Variants in TRDMT1 observed in about 807,000 individuals in gnomAD.
The protein encoded by TRDMT1 is tRNA aspartic acid methyltransferase 1, also known as tRNA (cytosine(38)-C(5))-methyltransferase.
TRDMT1 carries 49 observed loss-of-function variants against 51.2 expected under a neutral mutation model. That is an observed-to-expected ratio of 0.96 (90% CI 0.76 to 1.21). The LOEUF is 1.21. Among genes scored for constraint, TRDMT1 ranks in the 50% most tolerant of loss-of-function variants. TRDMT1 has a pLI of 0.00. For synonymous variants in TRDMT1, 187 were observed against 164.6 expected (o/e 1.14, Z -1.04); for missense variants, 534 against 462.3 (o/e 1.16, Z -1.42).
rs535663547 is a variant in TRDMT1, at chr10:17,138,413, A to T, written c.*10627T>A. Among the ~76,000 whole-genome samples, 50 of 152,202 alleles carry T rather than the reference A, an allele frequency of 3.3e-4. No individual in the cohort carries two copies. The highest frequency in any genetic ancestry group is 6.6e-4 in the Non-Finnish European group (45 of 68,020). ...TTCAGGGCAATATAACATTGTTCCA[A>T]TTCTTTCATTTTCCATGAAGGATTA... On this transcript the variant is annotated 3_prime_UTR_variant, in exon 11 of 11. Coordinates refer to ENST00000377799, the MANE Select transcript of TRDMT1 (RefSeq NM_004412.7).
At chr10:17,151,399 A>G (rs1197973104) in intron 10 of TRDMT1, 1 of 981,580 alleles carries the variant, frequency 1.0e-6, no homozygotes, top group African/African-American at 1.8e-5. Context: ...AATACACACC[A>G]CCAGTCACAG....
At chr10:17,161,602 A>G (rs756135797) in intron 4 of TRDMT1, 54 bp from the exon 5 acceptor site, 8 of 237,460 alleles carry the variant, frequency 3.4e-5, no homozygotes, top group Non-Finnish European at 5.2e-5. Context: ...AAGAAGAAAA[A>G]GTAAAGAAAA....
chr10:17,154,775 G>C, intron 8 of TRDMT1, 41 bp from the exon 9 acceptor site: 1 of 1,521,364 alleles, frequency 6.6e-7, no homozygotes, highest in Non-Finnish European at 9.0e-7. Context: ...CCTGATGTAT[G>C]TGTTAATGCT....
chr10:17,160,328 C>G lies in TRDMT1; in HGVS notation c.436G>C (p.Glu146Gln), dbSNP rs1347080467. The change falls in exon 6 of 11, where the codon GAG becomes CAG. Residue 146 changes from glutamate to glutamine, a missense_variant. Physicochemically the swap from Glu to Gln is conservative, Grantham distance 29. Coordinates refer to ENST00000377799, the MANE Select transcript of TRDMT1 (RefSeq NM_004412.7). ...TIENCGFQYQ[E>Q]FLLSPTSLGI... is the part of the protein sequence containing the mutation. ...ACAGAGGTTGGAGATAATAGAAACT[C>G]TTGGTACTGAAAGCCACAATTTTCT... 3 of 1,568,998 alleles carry G rather than the reference C, an allele frequency of 1.9e-6. No homozygotes were observed. Among genetic ancestry groups the G allele is most frequent in the Non-Finnish European group, 2.6e-6 (3 of 1,159,200 alleles).
At position 17,146,862 on chromosome 10, in the gene TRDMT1, A is replaced by G. The variant is rs1208812001; in HGVS notation, c.*2178T>C. 1 of 985,272 alleles carries G rather than the reference A, an allele frequency of 1.0e-6. No homozygotes were observed. Among genetic ancestry groups the G allele is most frequent in the African/African-American group, 1.7e-5 (1 of 57,234 alleles). The allele number at this position is 985,272 out of a possible 1,614,324, so 61.0% of individuals were successfully genotyped here. A position where few individuals can be genotyped will look rare whatever the true frequency, so the allele number is the denominator to read the frequency against. ...GCATACATATACATCTGCTAATTGAATGACACTGGTAGATACATCTTCATT... is the reference window on the plus strand; with the variant it reads ...GCATACATATACATCTGCTAATTGAGTGACACTGGTAGATACATCTTCATT... On this transcript the variant is annotated 3_prime_UTR_variant, in exon 11 of 11. Coordinates refer to ENST00000377799, the MANE Select transcript of TRDMT1 (RefSeq NM_004412.7).
At position 17,168,906 on chromosome 10, in the gene TRDMT1, G is replaced by A. The variant is rs571212663; in HGVS notation, c.186C>T (p.Leu62=). Residue 62 remains leucine, a synonymous_variant, in exon 3 of 11, where the codon CTC becomes CTT. Coordinates refer to ENST00000377799, the MANE Select transcript of TRDMT1 (RefSeq NM_004412.7). ...CAAAAGATAATCTGTCAAACTCTTCGAGTGTAATGCCCTGAGGAATGAACA... is the reference window on the plus strand; with the variant it reads ...CAAAAGATAATCTGTCAAACTCTTCAAGTGTAATGCCCTGAGGAATGAACA... ...LLAKTIEGIT[L]EEFDRLSFDM... The A allele has an allele frequency of 1.1e-4, 179 of 1,610,566 alleles. 3 individuals are homozygous for A. The highest frequency in any genetic ancestry group is 7.2e-4 in the South Asian group (65 of 90,622).
Position 17,144,076 on chromosome 10 carries a change from G to GA in TRDMT1, c.*4963dup, listed in dbSNP as rs1285752574. 1 of 985,278 alleles carries GA rather than the reference G, an allele frequency of 1.0e-6. No homozygotes were observed. Among genetic ancestry groups the GA allele is most frequent in the African/African-American group, 1.7e-5 (1 of 57,216 alleles). 61.0% of individuals were successfully genotyped at this position (985,278 alleles called of 1,614,324 possible). On this transcript the variant is annotated 3_prime_UTR_variant, in exon 11 of 11. Coordinates refer to ENST00000377799, the MANE Select transcript of TRDMT1 (RefSeq NM_004412.7). The stretch of plus-strand genomic sequence containing the variant: ...TGTAGGAAAGGGTGAGAATCTCTAA[G>GA]AAAAATGGCATGAAAAGTGAAGGGT...
At chr10:17,198,590 G>C (rs1175617630) in intron 1 of TRDMT1, among the ~76,000 whole-genome samples, 1 of 152,212 alleles carries the variant, frequency 6.6e-6, no homozygotes, top group East Asian at 1.9e-4. Context: ...GTGGTACGCA[G>C]AGTAGACAAG....
At chr10:17,152,110 G>GA (rs760039588) in intron 10 of TRDMT1, 1,164 of 1,250,984 alleles carry the variant, frequency 9.3e-4, no homozygotes, top group South Asian at 1.4e-3. Flanking sequence ...CTGAAAAAAG[G>GA]AAAAAAAAAT....
intron 5 of TRDMT1, 53 bp from the exon 6 acceptor site, chr10:17,160,427 T>G (rs1417742786): frequency 3.3e-6 from 4 of 1,230,084 alleles, no homozygotes; most frequent in Non-Finnish European, 1.1e-6. Flanking sequence ...CAGTTCTTAT[T>G]TAAATAATGT....
At chr10:17,156,256 A>G (rs1275914206) in intron 8 of TRDMT1, among the ~76,000 whole-genome samples, 5 of 150,588 alleles carry the variant, frequency 3.3e-5, no homozygotes, top group African/African-American at 7.3e-5. Context: ...TTTTTTTGAG[A>G]CAGAGTCTCA....
intron 1 of TRDMT1, among the ~76,000 whole-genome samples, chr10:17,178,255 C>A (rs1842854454): frequency 6.6e-6 from 1 of 152,128 alleles, no homozygotes; most frequent in South Asian, 2.1e-4. Context: ...TCCTTTCATT[C>A]AAAGTGCTGG....
chr10:17,173,603 G>C, intron 2 of TRDMT1, among the ~76,000 whole-genome samples: 1 of 152,248 alleles, frequency 6.6e-6, no homozygotes, highest in South Asian at 2.1e-4. Flanking sequence ...TCTAAGTCTT[G>C]ATTGTGGTGG....
intron 2 of TRDMT1, 142 bp from the exon 3 acceptor site, chr10:17,169,059 C>G: frequency 4.6e-6 from 3 of 653,438 alleles, no homozygotes; most frequent in Non-Finnish European, 7.5e-6. Context: ...CTTTGGTTAA[C>G]TAACTTCTCA....
rs1838262186 is a variant in TRDMT1, at chr10:17,147,888, A to G, written c.*1152T>C. 1.4e-5 allele frequency: 9 copies of G among 639,818 alleles called. No homozygotes were observed. In the South Asian group the frequency reaches 2.8e-4, roughly 20 times the overall value. The allele number at this position is 639,818 out of a possible 1,614,324, so 39.6% of individuals were successfully genotyped here. A position where few individuals can be genotyped will look rare whatever the true frequency, so the allele number is the denominator to read the frequency against. On this transcript the variant is annotated 3_prime_UTR_variant, in exon 11 of 11. Transcript: ENST00000377799. Reference sequence around the variant, plus strand: ...ATGTTGAATTTTGTGACGAACCTCCATAGCGTTTTCCAACAGCAGCTGAAC... The same window carrying G: ...ATGTTGAATTTTGTGACGAACCTCCGTAGCGTTTTCCAACAGCAGCTGAAC...
intron 3 of TRDMT1, among the ~76,000 whole-genome samples, chr10:17,163,180 A>C (rs1252268024): frequency 6.6e-6 from 1 of 152,208 alleles, no homozygotes; most frequent in African/African-American, 2.4e-5. Context: ...CCAGGGTCAA[A>C]ACAAGTCATG....
intron 2 of TRDMT1, 117 bp from the exon 3 acceptor site, chr10:17,169,034 T>A (rs769591136): frequency 9.8e-6 from 7 of 710,758 alleles, no homozygotes; most frequent in African/African-American, 1.8e-5. Flanking sequence ...TATAATACAA[T>A]GCTTGTCAAA....
chr10:17,158,047 C>T (rs1336641776), intron 7 of TRDMT1, among the ~76,000 whole-genome samples: 4 of 152,060 alleles, frequency 2.6e-5, no homozygotes, highest in African/African-American at 9.6e-5. Context: ...AATAAACTAA[C>T]AGAAAGTATA....
chr10:17,194,963 A>C (rs1845204307), intron 1 of TRDMT1, among the ~76,000 whole-genome samples: 2 of 149,902 alleles, frequency 1.3e-5, no homozygotes, highest in Non-Finnish European at 3.0e-5. Flanking sequence ...AAAAAAAAAA[A>C]ACGCAGATGC....
Sources: gnomAD v4.1 joint callset for allele counts (sites outside exome capture counted in the v4.1 genomes callset) on GRCh38, gnomAD v4.1.1 for gene constraint, MANE v1.5 for transcripts, NCBI Gene and HGNC (gene_info 2026-07-23, HGNC 2026-07-21) for gene names.